EMC3: variants seen among roughly 807,000 people sequenced by gnomAD.
EMC3 encodes 30 kDa protein.
In EMC3, 13 loss-of-function variants were observed where a neutral mutation model predicts 36.6. The ratio of observed to expected loss-of-function variants is 0.35; its 90% CI spans 0.23 to 0.56. The LOEUF is 0.56. Among genes scored for constraint, EMC3 ranks in the 20% least tolerant of loss-of-function variants. The probability of loss-of-function intolerance (pLI) is 0.84; values close to 1 mark genes in which losing one functional copy is unlikely to be tolerated. For synonymous variants in EMC3, 120 were observed against 111.9 expected (o/e 1.07, Z -0.46); for missense variants, 220 against 324.5 (o/e 0.68, Z 2.47).
chr3:9,986,739 G>A lies in EMC3; in HGVS notation c.-78C>T, dbSNP rs534440788. 3.8e-6 allele frequency: 6 copies of A among 1,577,586 alleles called. No homozygotes were observed. In the East Asian group the frequency reaches 6.7e-5, roughly 18 times the overall value. ...GGCACAGTTGCTTCTCTTCGGCTTCGCCTCCGGGCCTTCTCAAGCCCCTTT... is the reference window on the plus strand; with the variant it reads ...GGCACAGTTGCTTCTCTTCGGCTTCACCTCCGGGCCTTCTCAAGCCCCTTT... On this transcript the variant is annotated 5_prime_UTR_variant, in exon 1 of 8. Coordinates refer to ENST00000245046, the MANE Select transcript of EMC3 (RefSeq NM_001394674.1).
chr3:9,987,300 G>GC (rs931527856), upstream of EMC3: 117 of 985,344 alleles, frequency 1.2e-4, no homozygotes, highest in Middle Eastern at 2.6e-3. Flanking sequence ...GTCTCTCGAG[G>GC]CCCCGCTCCC....
chr3:9,969,911 G>A, intron 6 of EMC3, 110 bp from the exon 7 acceptor site: 2 of 1,479,716 alleles, frequency 1.4e-6, no homozygotes, highest in Non-Finnish European at 1.8e-6. Context: ...CAGCCTCACT[G>A]GCTGGCCCTG....
intron 1 of EMC3, among the ~76,000 whole-genome samples, chr3:9,982,245 T>C (rs1035455221): frequency 6.6e-6 from 1 of 151,292 alleles, no homozygotes; most frequent in Admixed American, 6.6e-5. Context: ...CCACCATACC[T>C]GGTGCAAATG....
At chr3:9,975,790 TGA>T (rs1409051143) in intron 3 of EMC3, among the ~76,000 whole-genome samples, 1 of 132,260 alleles carries the variant, frequency 7.6e-6, no homozygotes, top group Non-Finnish European at 1.5e-5. Context: ...CCAGCCTGGG[TGA>T]GAGAGCGAGA....
intron 1 of EMC3, chr3:10,003,523 A>G: frequency 3.2e-6 from 1 of 311,040 alleles, no homozygotes; most frequent in South Asian, 2.9e-5. Context: ...ACCACACCTG[A>G]CCAGGAGCTC....
chr3:9,974,086 A>T (rs1033366631), intron 4 of EMC3, among the ~76,000 whole-genome samples: 2 of 152,210 alleles, frequency 1.3e-5, no homozygotes, highest in African/African-American at 4.8e-5. Context: ...CCTAACATCT[A>T]GCAAATGAAG....
chr3:9,973,348 C>T (rs1016334009), intron 5 of EMC3, among the ~76,000 whole-genome samples: 2 of 151,930 alleles, frequency 1.3e-5, no homozygotes, highest in East Asian at 3.9e-4. Context: ...GCGCCCGCCA[C>T]CACGCCTGGC....
intron 1 of EMC3, among the ~76,000 whole-genome samples, chr3:10,007,842 A>T (rs2124943732): frequency 6.6e-6 from 1 of 152,120 alleles, no homozygotes; most frequent in Admixed American, 6.5e-5. Context: ...AACCTTGAAC[A>T]TTTGGTTACC....
upstream of EMC3, among the ~76,000 whole-genome samples, chr3:9,990,381 G>T (rs1300901556): frequency 7.2e-6 from 1 of 139,496 alleles, no homozygotes; most frequent in Non-Finnish European, 1.5e-5. Context: ...GTCACCGAAG[G>T]TGGAGTGCGG....
chr3:10,010,603 C>T (rs1262015563), intron 1 of EMC3, among the ~76,000 whole-genome samples: 1 of 152,186 alleles, frequency 6.6e-6, no homozygotes, highest in East Asian at 1.9e-4. Flanking sequence ...AGACTCCCTC[C>T]CCCACTCAGT....
chr3:9,981,597 ATTTAT>A (rs1036992230), intron 1 of EMC3: 81 of 235,236 alleles, frequency 3.4e-4, no homozygotes, highest in African/African-American at 1.9e-3. Context: ...TCTTTTATTT[ATTTAT>A]TTATTTATTT....
upstream of EMC3, among the ~76,000 whole-genome samples, chr3:9,991,379 G>A (rs115793663): frequency 4.6e-5 from 7 of 152,152 alleles, no homozygotes; most frequent in Non-Finnish European, 5.9e-5. Flanking sequence ...TTCCTCAGGG[G>A]TAATCATCCT....
At chr3:9,988,142 A>G, upstream of EMC3, 1 of 548,338 alleles carries the variant, frequency 1.8e-6, no homozygotes, top group Non-Finnish European at 3.3e-6. Context: ...TACATCTAGT[A>G]TTATATCGTT....
chr3:10,001,876 G>A (rs2086205107), intron 1 of EMC3, among the ~76,000 whole-genome samples: 2 of 152,002 alleles, frequency 1.3e-5, no homozygotes, highest in Admixed American at 1.3e-4. Context: ...GCGGGTGCCT[G>A]TAGTCCCGGC....
chr3:9,969,856 C>T, intron 6 of EMC3, 55 bp from the exon 7 acceptor site: 1 of 1,598,930 alleles, frequency 6.3e-7, no homozygotes, highest in Non-Finnish European at 8.5e-7. Context: ...CACCCCAGCA[C>T]CCAAGGGGAA....
chr3:9,987,413 C>A, upstream of EMC3: 1 of 457,178 alleles, frequency 2.2e-6, no homozygotes, highest in Non-Finnish European at 2.9e-6. Context: ...GGGATAGTCC[C>A]CACAGGTACC....
chr3:9,985,941 T>C (rs187121837), intron 1 of EMC3, among the ~76,000 whole-genome samples: 10 of 152,210 alleles, frequency 6.6e-5, no homozygotes, highest in African/African-American at 2.4e-4. Context: ...TGCAATGAAA[T>C]ATGTGAGGAA....
upstream of EMC3, among the ~76,000 whole-genome samples, chr3:9,990,804 C>T (rs1423057072): frequency 1.6e-4 from 24 of 151,500 alleles, no homozygotes; most frequent in African/African-American, 5.4e-4. Context: ...TGAGCCACCA[C>T]GCCTGGCCAA....
At chr3:10,008,517 G>A (rs767951203) in intron 1 of EMC3, 7 of 1,360,482 alleles carry the variant, frequency 5.1e-6, no homozygotes, top group Non-Finnish European at 6.9e-6. Flanking sequence ...GGAGGGTGGG[G>A]AGCAGGCCTC....
Sources: gnomAD v4.1 joint callset for allele counts (sites outside exome capture counted in the v4.1 genomes callset) on GRCh38, gnomAD v4.1.1 for gene constraint, MANE v1.5 for transcripts, NCBI Gene and HGNC (gene_info 2026-07-23, HGNC 2026-07-21) for gene names.